The following ATR variants were observed in gnomAD, a reference collection of about 807,000 sequenced individuals.
ATR encodes ATR checkpoint kinase, also known as serine/threonine-protein kinase ATR.
ATR carries 142 observed loss-of-function variants against 305.3 expected under a neutral mutation model. The ratio of observed to expected loss-of-function variants is 0.47; its 90% CI spans 0.41 to 0.53. The LOEUF is 0.53. ATR is among the 20% of genes least tolerant of loss of function. The probability of loss-of-function intolerance (pLI) is 0.00; values close to 1 mark genes in which losing one functional copy is unlikely to be tolerated. For missense variants in ATR, 2,135 were observed against 3,133.1 expected, an observed-to-expected ratio of 0.68 and a Z score of 7.60; for synonymous variants, 1,050 against 1,068.1, an observed-to-expected ratio of 0.98 and a Z score of 0.33.
intron 36 of ATR, among the ~76,000 whole-genome samples, chr3:142,477,076 T>C (rs533211029): frequency 7.9e-5 from 12 of 152,330 alleles, no homozygotes; most frequent in Non-Finnish European, 1.3e-4. Context: ...CCTAGTTGAA[T>C]GCCCTTTATT....
chr3:142,541,321 T>C (rs2034045564), intron 17 of ATR, among the ~76,000 whole-genome samples: 1 of 152,176 alleles, frequency 6.6e-6, no homozygotes, highest in African/African-American at 2.4e-5. Flanking sequence ...TTCTAATTTA[T>C]TAAAGGTATA....
At chr3:142,489,032 A>G (rs2108318481) in intron 35 of ATR, among the ~76,000 whole-genome samples, 1 of 152,194 alleles carries the variant, frequency 6.6e-6, no homozygotes, top group East Asian at 1.9e-4. Context: ...ATCCTAAATG[A>G]TATCTTTAAA....
At position 142,462,091 on chromosome 3, in the gene ATR, C is replaced by T; in HGVS notation, c.7042-1G>A. On this transcript the variant is annotated splice_acceptor_variant, in intron 41 of 46. Coordinates refer to ENST00000350721, the MANE Select transcript of ATR (RefSeq NM_001184.4). LOFTEE classifies it high-confidence loss of function. ...GAGACTCTGCATCTTTTCTTAAGCA[C>T]TGTTAAAAAATACACATAAATTTAA... is the stretch of plus-strand genomic sequence containing the variant. The T allele has an allele frequency of 2.5e-6, 4 of 1,610,536 alleles. No homozygotes were observed. The highest frequency in any genetic ancestry group is 3.4e-6 in the Non-Finnish European group (4 of 1,178,288).
rs2033532950 is a variant in ATR at position 142,529,052 on chromosome 3, T to C, written c.3946-4853A>G. Among the ~76,000 whole-genome samples the C allele has an allele frequency of 2.0e-5, 3 of 150,888 alleles. No homozygotes were observed. In the South Asian group the frequency reaches 6.3e-4, roughly 32 times the overall value. On this transcript the variant is annotated intron_variant, in intron 21 of 46. Transcript: ENST00000350721. ...GTGCGCCATCATGCCTGGTTAATTT[T>C]TGTATTTTTAGTAGAGACAGCGTTT... is the stretch of plus-strand genomic sequence containing the variant.
In ATR at chr3:142,540,884, A is replaced by T. The variant is rs1481402634; in HGVS notation, c.3581+20T>A. On this transcript the variant is annotated intron_variant, in intron 18 of 46. Coordinates refer to ENST00000350721, the MANE Select transcript of ATR (RefSeq NM_001184.4). ...AAATGCAAAAAAAAAAAAAATTAAT[A>T]AACTCAGGCAGTCATTTACCTGCAA... is the stretch of plus-strand genomic sequence containing the variant. 1.3e-6 allele frequency: 2 copies of T among 1,580,684 alleles called. No individual in the cohort carries two copies. Among genetic ancestry groups the T allele is most frequent in the Non-Finnish European group, 1.7e-6 (2 of 1,161,638 alleles).
At chr3:142,485,400 T>C in intron 35 of ATR, 118 bp from the exon 36 acceptor site, 1 of 1,228,496 alleles carries the variant, frequency 8.1e-7, no homozygotes, top group Non-Finnish European at 1.1e-6. Flanking sequence ...CAGAGCAAAG[T>C]CAAAAGCAGA....
intron 27 of ATR, among the ~76,000 whole-genome samples, chr3:142,508,923 CAAA>C (rs11453887): frequency 1.7e-5 from 2 of 118,280 alleles, no homozygotes. Context: ...GACTCCGTAT[CAAA>C]AAAAAAAAAA....
chr3:142,533,086 G>A (rs1305267741), intron 21 of ATR, among the ~76,000 whole-genome samples: 1 of 151,942 alleles, frequency 6.6e-6, no homozygotes, highest in African/African-American at 2.4e-5. Context: ...ACTGCATGAG[G>A]CCAGGAGTTC....
chr3:142,534,932 C>A (rs1225805573), intron 21 of ATR, 148 bp downstream of exon 21: 2 of 896,214 alleles, frequency 2.2e-6, no homozygotes, highest in East Asian at 5.7e-5. Context: ...CTCATGGATT[C>A]CTAATTCTCA....
intron 46 of ATR, chr3:142,452,695 C>T (rs1031278013): frequency 2.1e-5 from 22 of 1,048,722 alleles, no homozygotes; most frequent in Admixed American, 5.1e-5. Flanking sequence ...CCACCACCAC[C>T]ACCACAACAA....
In ATR at chr3:142,497,221, T is replaced by C. The variant is rs780216393; in HGVS notation, c.5559-29A>G. The C allele has an allele frequency of 8.1e-6, 13 of 1,605,634 alleles. No individual in the cohort carries two copies. In the South Asian group the frequency reaches 1.4e-4, roughly 18 times the overall value. On this transcript the variant is annotated intron_variant, in intron 32 of 46. Transcript: ENST00000350721. Reference sequence around the variant, plus strand: ...AAGATAGATAGAGCCTATGTTAAAATGTTATCATATTCAGCCTTATTAATC... The same window carrying C: ...AAGATAGATAGAGCCTATGTTAAAACGTTATCATATTCAGCCTTATTAATC...
intron 35 of ATR, among the ~76,000 whole-genome samples, chr3:142,486,979 A>AAAAAAAAT (rs2030977663): frequency 1.3e-5 from 2 of 149,878 alleles, no homozygotes; most frequent in Non-Finnish European, 3.0e-5. Flanking sequence ...AAAAAAAAAA[A>AAAAAAAAT]AACAATTAGC....
At chr3:142,472,817 T>C (rs13075471) in intron 36 of ATR, among the ~76,000 whole-genome samples, 71,799 of 151,784 alleles carry the variant, frequency 0.47, 18,034 homozygotes, top group Non-Finnish European at 0.57. Flanking sequence ...TTTGTATTTT[T>C]TTGTAGAGAT....
At chr3:142,515,769 T>C (rs183705392) in intron 24 of ATR, among the ~76,000 whole-genome samples, 114 of 152,266 alleles carry the variant, frequency 7.5e-4, no homozygotes, top group Middle Eastern at 3.4e-3. Context: ...GAAAAACCTG[T>C]TCCTTTGAAG....
rs1489886111 is a variant in ATR at position 142,449,258 on chromosome 3, C to G, written c.*171G>C. 2 of 623,332 alleles carry G rather than the reference C, an allele frequency of 3.2e-6. No homozygotes were observed. The highest frequency in any genetic ancestry group is 5.5e-6 in the Non-Finnish European group (2 of 365,328). The allele number at this position is 623,332 out of a possible 1,614,324, so 38.6% of individuals were successfully genotyped here. A position where few individuals can be genotyped will look rare whatever the true frequency, so the allele number is the denominator to read the frequency against. ...TATGTATTAAGAAAGCAGTTTATTTCTTAATAACTGAATGTATATTATTTT... is the reference window on the plus strand; with the variant it reads ...TATGTATTAAGAAAGCAGTTTATTTGTTAATAACTGAATGTATATTATTTT... On this transcript the variant is annotated 3_prime_UTR_variant, in exon 47 of 47. Coordinates refer to ENST00000350721, the MANE Select transcript of ATR (RefSeq NM_001184.4).
intron 2 of ATR, 89 bp from the exon 3 acceptor site, chr3:142,566,350 G>T: frequency 7.0e-7 from 1 of 1,432,996 alleles, no homozygotes; most frequent in Non-Finnish European, 9.7e-7. Flanking sequence ...CAGGCAAGGT[G>T]CCTCACTCCT....
Position 142,459,357 on chromosome 3 carries a change from G to A in ATR, c.7219C>T (p.Arg2407Cys), listed in dbSNP as rs746049210. 4.3e-6 allele frequency: 7 copies of A among 1,613,866 alleles called. No homozygotes were observed. Among genetic ancestry groups the A allele is most frequent in the East Asian group, 2.2e-5 (1 of 44,868 alleles). ...GCTGACTTTGGTAGCATACACTGGC[G>A]AAGTTCTTTTCCTGTCATATACACT... ...KGVYMTGKEL[R>C]QCMLPKSAAL... The change falls in exon 43 of 47, where the codon CGC (arginine) becomes TGC (cysteine). Residue 2407 changes from arginine (R) to cysteine (C), a missense_variant. Transcript: ENST00000350721.
intron 24 of ATR, among the ~76,000 whole-genome samples, chr3:142,516,732 A>G (rs2032875745): frequency 6.6e-6 from 1 of 152,132 alleles, no homozygotes; most frequent in African/African-American, 2.4e-5. Flanking sequence ...ATTCCCTATA[A>G]GGGCCACGGC....
intron 15 of ATR, 139 bp downstream of exon 15, chr3:142,549,340 T>G: frequency 1.7e-6 from 1 of 592,558 alleles, no homozygotes; most frequent in East Asian, 3.2e-5. Context: ...ACAAAGATTA[T>G]TTAACATAAC....
Sources: gnomAD v4.1 joint callset for allele counts (sites outside exome capture counted in the v4.1 genomes callset) on GRCh38, gnomAD v4.1.1 for gene constraint, MANE v1.5 for transcripts, NCBI Gene and HGNC (gene_info 2026-07-23, HGNC 2026-07-21) for gene names.